Variants in LAMA4 observed in about 807,000 individuals in gnomAD.
LAMA4 encodes the protein laminin subunit alpha-4.
Under a neutral mutation model 207.1 loss-of-function variants are expected in LAMA4, and 127 were observed. That is an observed-to-expected ratio of 0.61 (90% CI 0.53 to 0.71). The LOEUF (loss-of-function observed/expected upper bound fraction) is 0.71. Among genes scored for constraint, LAMA4 ranks in the 30% least tolerant of loss-of-function variants. The pLI, the probability that LAMA4 is intolerant of heterozygous loss-of-function variation, is 0.00. For missense variants in LAMA4, 2,093 were observed against 2,246.5 expected, an observed-to-expected ratio of 0.93 and a Z score of 1.38; for synonymous variants, 761 against 816.0, an observed-to-expected ratio of 0.93 and a Z score of 1.15.
intron 2 of LAMA4, among the ~76,000 whole-genome samples, chr6:112,231,988 C>T (rs1463972778): frequency 6.6e-6 from 1 of 152,120 alleles, no homozygotes; most frequent in Non-Finnish European, 1.5e-5. Flanking sequence ...ACTCCAAGTG[C>T]TCTTATTTGT....
rs6909615 is a variant in LAMA4 at position 112,207,358 on chromosome 6, T to A, written c.298-213A>T. 0.14 allele frequency among the ~76,000 whole-genome samples: 20,798 copies of A among 152,128 alleles called. 2,287 individuals carry two copies. Among genetic ancestry groups the A allele is most frequent in the East Asian group, 0.36 (1,857 of 5,146 alleles). On this transcript the variant is annotated intron_variant, in intron 3 of 38. Coordinates refer to ENST00000230538, the MANE Select transcript of LAMA4 (RefSeq NM_001105206.3). ...AGTGGTGAATTAATTTTTCCTGGGC[T>A]TTTGTGTGTGTGTGCTAGTAGCCTG...
At chr6:112,216,333 G>T in intron 3 of LAMA4, 35 bp downstream of exon 3, 1 of 1,308,402 alleles carries the variant, frequency 7.6e-7, no homozygotes, top group Non-Finnish European at 1.1e-6. Context: ...AATGCCCAGT[G>T]AAGTACGTGA....
rs781986112 is a variant in LAMA4 at position 112,154,913 on chromosome 6, T to G, written c.1994A>C (p.His665Pro). The change falls in exon 16 of 39, where the codon CAT (histidine) becomes CCT (proline). Residue 665 changes from histidine (H) to proline (P), a missense_variant. Physicochemically the swap from His to Pro is moderately conservative, Grantham distance 77. Around this residue, in one of 3 missense-constraint regions of LAMA4, gnomAD observed 1,704 missense variants for 1,788.4 expected, o/e 0.95. Transcript: ENST00000230538. ...GAGGAGGTTCTCACTTTCATCTTTATGGTAAATGATTTGAGTATCAATCCC... is the reference window on the plus strand; with the variant it reads ...GAGGAGGTTCTCACTTTCATCTTTAGGGTAAATGATTTGAGTATCAATCCC... Reference protein sequence around the residue: ...VSGIDTQIIYHKDESENLLNQ... With the variant: ...VSGIDTQIIYPKDESENLLNQ... 18 of 1,613,402 alleles carry G rather than the reference T, an allele frequency of 1.1e-5. No individual in the cohort carries two copies. Among genetic ancestry groups the G allele is most frequent in the Non-Finnish European group, 1.5e-5 (18 of 1,179,482 alleles).
chr6:112,155,597 A>G lies in LAMA4; in HGVS notation c.1927T>C (p.Phe643Leu). ...YVSEANETAE[F>L]ALNTTDRIYD... is the part of the protein sequence containing the mutation. ...ATTCGGTCAGTGGTGTTCAAAGCAA[A>G]TTCTGCTGTTTCATTGGCTTCACTA... is the stretch of plus-strand genomic sequence containing the variant. Residue 643 changes from phenylalanine to leucine, a missense_variant, in exon 15 of 39, where the codon TTT becomes CTT. By Grantham distance (22) the Phe-to-Leu change is conservative. Around this residue, in one of 3 missense-constraint regions of LAMA4, gnomAD observed 1,704 missense variants for 1,788.4 expected, o/e 0.95. Coordinates refer to ENST00000230538, the MANE Select transcript of LAMA4 (RefSeq NM_001105206.3). The G allele has an allele frequency of 1.9e-6, 3 of 1,614,192 alleles. No individual in the cohort carries two copies. The highest frequency in any genetic ancestry group is 2.5e-6 in the Non-Finnish European group (3 of 1,180,000).
intron 6 of LAMA4, among the ~76,000 whole-genome samples, chr6:112,190,980 CTT>C (rs1783081064): frequency 7.6e-6 from 1 of 131,336 alleles, no homozygotes; most frequent in East Asian, 2.3e-4. Flanking sequence ...TTCTTTCTTT[CTT>C]TCTTTCCTCT....
intron 3 of LAMA4, among the ~76,000 whole-genome samples, chr6:112,215,791 T>A (rs569695502): frequency 2.6e-5 from 4 of 152,288 alleles, no homozygotes; most frequent in African/African-American, 9.6e-5. Flanking sequence ...TGAAGAACAG[T>A]CTATTGGAGA....
At chr6:112,190,947 C>CTTTCTTTCTTTCTTTCTTT (rs1491586717) in intron 6 of LAMA4, among the ~76,000 whole-genome samples, 30 of 40,486 alleles carry the variant, frequency 7.4e-4, no homozygotes, top group Non-Finnish European at 9.9e-4. Context: ...TTCTTTCTTT[C>CTTTCTTTCTTTCTTTCTTT]CTTTCTTTCT....
At chr6:112,114,020 A>G (rs1355084071) in intron 38 of LAMA4, 56 bp downstream of exon 38, 2 of 1,598,932 alleles carry the variant, frequency 1.3e-6, no homozygotes, top group Non-Finnish European at 1.7e-6. Context: ...TACAATAACA[A>G]TTGTGAGAAC....
At chr6:112,253,733 T>C (rs1787630659) in intron 2 of LAMA4, 1 of 1,612,400 alleles carries the variant, frequency 6.2e-7, no homozygotes, top group Non-Finnish European at 8.5e-7. Flanking sequence ...TCTCACCCCT[T>C]TGAGCAGACA....
chr6:112,241,130 TATATAGGAA>T (rs1786412507), intron 2 of LAMA4, among the ~76,000 whole-genome samples: 1 of 101,316 alleles, frequency 9.9e-6, no homozygotes. Flanking sequence ...TATATATGAA[TATATAGGAA>T]TATATATATG....
chr6:112,179,984 A>C (rs1562700773), intron 9 of LAMA4: 1 of 523,654 alleles, frequency 1.9e-6, no homozygotes, highest in Non-Finnish European at 3.9e-6. Flanking sequence ...GTCATTTTAA[A>C]ATTAAATATG....
intron 10 of LAMA4, among the ~76,000 whole-genome samples, chr6:112,177,663 G>A (rs2114892975): frequency 6.6e-6 from 1 of 152,290 alleles, no homozygotes; most frequent in Middle Eastern, 3.4e-3. Flanking sequence ...TTCTGGGTTG[G>A]GGCCCAAGCA....
At chr6:112,208,255 T>G (rs868996131) in intron 3 of LAMA4, among the ~76,000 whole-genome samples, 3 of 152,304 alleles carry the variant, frequency 2.0e-5, no homozygotes, top group Admixed American at 1.3e-4. Flanking sequence ...CAGGACAACT[T>G]TTTTAAAACA....
Position 112,172,611 on chromosome 6 carries a change from C to A in LAMA4, c.1551G>T (p.Glu517Asp). 6.2e-7 allele frequency: 1 copy of A among 1,612,534 alleles called. No individual in the cohort carries two copies. The highest frequency in any genetic ancestry group is 8.5e-7 in the Non-Finnish European group (1 of 1,179,928). ...CATTGATGGTGAGTGTCCGCTGTAC[C>A]TCATGGTCCCGCTGCCTGGCTGCTG... ...RATAARQRDH[E>D]KQQERVREQM... The change falls in exon 12 of 39, where the codon GAG becomes GAT. Residue 517 changes from glutamate to aspartate, a missense_variant and splice_region_variant. Around this residue, in one of 3 missense-constraint regions of LAMA4, gnomAD observed 1,704 missense variants for 1,788.4 expected, o/e 0.95. Transcript: ENST00000230538.
chr6:112,243,797 C>A (rs1554188165), intron 2 of LAMA4, among the ~76,000 whole-genome samples: 1 of 152,172 alleles, frequency 6.6e-6, no homozygotes, highest in African/African-American at 2.4e-5. Context: ...GTGGCTCATG[C>A]ATGCAATCCC....
chr6:112,150,202 G>GACACACACACACACAC (rs68144829), intron 17 of LAMA4, among the ~76,000 whole-genome samples: 11 of 143,444 alleles, frequency 7.7e-5, no homozygotes, highest in Admixed American at 2.1e-4. Context: ...CCCATTAAAA[G>GACACACACACACACAC]ACACACACAC....
At chr6:112,196,630 T>C (rs1783434999) in intron 5 of LAMA4, 1 of 152,190 alleles carries the variant, frequency 6.6e-6, no homozygotes, top group Non-Finnish European at 1.5e-5. Flanking sequence ...CATTTTACAA[T>C]TATTTGCATC....
At position 112,141,453 on chromosome 6, in the gene LAMA4, G is replaced by A. The variant is rs530825191; in HGVS notation, c.2718C>T (p.Tyr906=). 6.3e-5 allele frequency: 102 copies of A among 1,610,528 alleles called. No individual in the cohort carries two copies. Among genetic ancestry groups the A allele is most frequent in the Middle Eastern group, 1.6e-4 (1 of 6,082 alleles). The change falls in exon 21 of 39, where the codon TAC becomes TAT. Residue 906 remains tyrosine (Y), a synonymous_variant. Coordinates refer to ENST00000230538, the MANE Select transcript of LAMA4 (RefSeq NM_001105206.3). ...CATCTTTAGTTCCCAAATTATAGAC[G>A]TATACCAGATTATCATTTTTGATTG... is the stretch of plus-strand genomic sequence containing the variant. ...GLAIKNDNLV[Y]VYNLGTKDVE... is the part of the protein sequence containing the mutation.
chr6:112,152,398 T>C (rs1554335944), intron 16 of LAMA4, among the ~76,000 whole-genome samples: 1 of 152,088 alleles, frequency 6.6e-6, no homozygotes, highest in African/African-American at 2.4e-5. Flanking sequence ...CTTATAAAAT[T>C]GTTCTTGAAA....
Sources: gnomAD v4.1 joint callset for allele counts (sites outside exome capture counted in the v4.1 genomes callset) on GRCh38, gnomAD v4.1.1 for gene constraint, gnomAD v4.1.1 regional missense constraint, MANE v1.5 for transcripts, NCBI Gene and HGNC (gene_info 2026-07-23, HGNC 2026-07-21) for gene names.